PBX4: variants seen among roughly 807,000 people sequenced by gnomAD.
PBX4 encodes PBX homeobox 4, also known as pre-B-cell leukemia transcription factor 4.
A neutral mutation model predicts 35.1 loss-of-function variants in PBX4; 26 were observed. The ratio of observed to expected loss-of-function variants is 0.74; its 90% CI spans 0.54 to 1.03. PBX4 has a LOEUF of 1.03. Among genes scored for constraint, PBX4 ranks in the 50% least tolerant of loss-of-function variants. PBX4 has a pLI of 0.00. For synonymous variants in PBX4, 199 were observed against 204.2 expected (o/e 0.97, Z 0.22); for missense variants, 448 against 504.3 (o/e 0.89, Z 1.07).
At chr19:19,568,010 A>T (rs992153809) in intron 5 of PBX4, among the ~76,000 whole-genome samples, 1 of 143,348 alleles carries the variant, frequency 7.0e-6, no homozygotes, top group Non-Finnish European at 1.5e-5. Flanking sequence ...CAATCACCTC[A>T]GGGAACTCAC....
At chr19:19,612,367 T>C (rs572953144) in intron 1 of PBX4, among the ~76,000 whole-genome samples, 1 of 152,202 alleles carries the variant, frequency 6.6e-6, no homozygotes, top group East Asian at 1.9e-4. Context: ...CAAAACATGT[T>C]CAGAGGGCCT....
rs778463326 is a variant in PBX4, at chr19:19,562,782, C to G, written c.1033-665G>C. Reference sequence around the variant, plus strand: ...TGGGGTGGACACACAGCTGCTGGCGCGTAGTCAGGTCCCAGGGGTGCAAAG... The same window carrying G: ...TGGGGTGGACACACAGCTGCTGGCGGGTAGTCAGGTCCCAGGGGTGCAAAG... On this transcript the variant is annotated intron_variant, in intron 7 of 7. Transcript: ENST00000251203. The surrounding 1 kb of genome is among the most constrained non-coding windows in gnomAD (Gnocchi z 4.8). 1.3e-5 allele frequency among the ~76,000 whole-genome samples: 2 copies of G among 152,132 alleles called. No homozygotes were observed. Among genetic ancestry groups the G allele is most frequent in the Admixed American group, 6.5e-5 (1 of 15,272 alleles).
chr19:19,582,857 C>A (rs139249988), intron 2 of PBX4, among the ~76,000 whole-genome samples: 1 of 152,358 alleles, frequency 6.6e-6, no homozygotes, highest in South Asian at 2.1e-4. Context: ...ACGTTCCCCC[C>A]ACCTGTCTGA....
chr19:19,576,689 C>G (rs1238748119), intron 2 of PBX4, among the ~76,000 whole-genome samples: 1 of 152,200 alleles, frequency 6.6e-6, no homozygotes, highest in East Asian at 1.9e-4. Context: ...ATCATCATAG[C>G]TTTCTGTAAC....
intron 1 of PBX4, among the ~76,000 whole-genome samples, chr19:19,604,662 G>A (rs533410465): frequency 1.8e-4 from 27 of 151,686 alleles, no homozygotes; most frequent in Admixed American, 4.6e-4. Flanking sequence ...GTGCAGTAGC[G>A]CGATCTTGGC....
chr19:19,612,264 G>A (rs2061666543), intron 1 of PBX4, among the ~76,000 whole-genome samples: 1 of 152,114 alleles, frequency 6.6e-6, no homozygotes, highest in Non-Finnish European at 1.5e-5. Flanking sequence ...GCAACAGAGT[G>A]AGACTCTGTC....
intron 2 of PBX4, among the ~76,000 whole-genome samples, chr19:19,587,110 T>A (rs962729327): frequency 3.3e-5 from 5 of 151,998 alleles, no homozygotes; most frequent in Admixed American, 1.3e-4. Flanking sequence ...GTTCAAGTGA[T>A]TCTCCTGCCT....
chr19:19,569,413 C>T, intron 5 of PBX4, 36 bp downstream of exon 5: 2 of 1,594,742 alleles, frequency 1.3e-6, no homozygotes, highest in Non-Finnish European at 1.7e-6. Context: ...TCCACTCCTC[C>T]CAGGCGTGGC....
Position 19,571,056 on chromosome 19 carries a change from G to A in PBX4, c.194-223C>T, listed in dbSNP as rs1190978397. On this transcript the variant is annotated intron_variant, in intron 2 of 7. Transcript: ENST00000251203. ...AGAGCGCAGTCTGGGGAGGAACGGG[G>A]AGACACAGGTCGCAGTTTGGCATAG... Among the ~76,000 whole-genome samples, 5 of 152,350 alleles carry A rather than the reference G, an allele frequency of 3.3e-5. No individual in the cohort carries two copies. In the South Asian group the frequency reaches 1.0e-3, roughly 32 times the overall value.
At chr19:19,567,711 G>T (rs1406591599) in intron 5 of PBX4, among the ~76,000 whole-genome samples, 1 of 152,122 alleles carries the variant, frequency 6.6e-6, no homozygotes, top group Non-Finnish European at 1.5e-5. Context: ...TGGTCTTAGT[G>T]TCTCCCTCTT....
At chr19:19,590,228 C>T (rs1419187711) in intron 2 of PBX4, among the ~76,000 whole-genome samples, 1 of 152,150 alleles carries the variant, frequency 6.6e-6, no homozygotes, top group African/African-American at 2.4e-5. Context: ...ACTCTTTACG[C>T]CCCCTCCCTA....
intron 2 of PBX4, among the ~76,000 whole-genome samples, chr19:19,594,851 AACTGGGATT>A (rs1568392160): frequency 6.6e-6 from 1 of 151,992 alleles, no homozygotes; most frequent in Non-Finnish European, 1.5e-5. Context: ...CCTCCTGAGT[AACTGGGATT>A]ACAGGCGCAT....
chr19:19,571,012 G>A (rs1364876817), intron 2 of PBX4, 179 bp from the exon 3 acceptor site: 2 of 786,520 alleles, frequency 2.5e-6, no homozygotes, highest in Non-Finnish European at 4.0e-6. Flanking sequence ...GCTAAGACAT[G>A]GGTCCAAGTG....
At chr19:19,600,141 CAATAATAAT>C (rs3066478) in intron 1 of PBX4, among the ~76,000 whole-genome samples, 1 of 149,382 alleles carries the variant, frequency 6.7e-6, no homozygotes, top group Non-Finnish European at 1.5e-5. Flanking sequence ...GACTCTGTCT[CAATAATAAT>C]AATAATAATA....
At chr19:19,614,570 G>T (rs1420745551) in intron 1 of PBX4, among the ~76,000 whole-genome samples, 1 of 151,688 alleles carries the variant, frequency 6.6e-6, no homozygotes, top group Non-Finnish European at 1.5e-5. Flanking sequence ...GGGAGGCGGA[G>T]GTTGCTCACT....
intron 1 of PBX4, among the ~76,000 whole-genome samples, chr19:19,616,318 A>G (rs1291597824): frequency 6.6e-6 from 1 of 152,136 alleles, no homozygotes; most frequent in Non-Finnish European, 1.5e-5. Flanking sequence ...TGTTATCCAG[A>G]TGACAAAAAC....
In PBX4 at chr19:19,591,293, C is replaced by T. The variant is rs146311923; in HGVS notation, c.193+7999G>A. Reference sequence around the variant, plus strand: ...GAAAGCCCCATGAGCACCATGACACCCCAGCTTCCTGGCTGAATTTACAGA... The same window carrying T: ...GAAAGCCCCATGAGCACCATGACACTCCAGCTTCCTGGCTGAATTTACAGA... On this transcript the variant is annotated intron_variant, in intron 2 of 7. Transcript: ENST00000251203. Among the ~76,000 whole-genome samples the T allele has an allele frequency of 2.6e-4, 40 of 152,242 alleles. 1 individual carries two copies. Among genetic ancestry groups the T allele is most frequent in the African/African-American group, 9.2e-4 (38 of 41,528 alleles).
chr19:19,588,094 T>C, intron 2 of PBX4: 1 of 906,394 alleles, frequency 1.1e-6, no homozygotes, highest in Admixed American at 1.9e-5. Context: ...ACCAATCACC[T>C]CTTCTTGAAG....
chr19:19,563,680 C>A lies in PBX4; in HGVS notation c.926-65G>T. 1 of 1,384,878 alleles carries A rather than the reference C, an allele frequency of 7.2e-7. No homozygotes were observed. Among genetic ancestry groups the A allele is most frequent in the Non-Finnish European group, 1.0e-6 (1 of 999,098 alleles). The allele number at this position is 1,384,878 out of a possible 1,614,324, so 85.8% of individuals were successfully genotyped here. A position where few individuals can be genotyped will look rare whatever the true frequency, so the allele number is the denominator to read the frequency against. On this transcript the variant is annotated intron_variant, in intron 6 of 7. Coordinates refer to ENST00000251203, the MANE Select transcript of PBX4 (RefSeq NM_025245.3). The surrounding 1 kb of genome is among the most constrained non-coding windows in gnomAD (Gnocchi z 5.1). ...CCTCCTCAGGTGGAACCCACCCAGC[C>A]CCTCAGCCGGCAGGAGGCCTCGAAT...
Sources: gnomAD v4.1 joint callset for allele counts (sites outside exome capture counted in the v4.1 genomes callset) on GRCh38, gnomAD v4.1.1 for gene constraint, Gnocchi (gnomAD v3.1) non-coding constraint, MANE v1.5 for transcripts, NCBI Gene and HGNC (gene_info 2026-07-23, HGNC 2026-07-21) for gene names.